MAPT: variants seen among roughly 807,000 people sequenced by gnomAD.
The protein encoded by MAPT is microtubule associated protein tau, also known as microtubule-associated protein tau.
A neutral mutation model predicts 67.9 loss-of-function variants in MAPT; 34 were observed. The ratio of observed to expected loss-of-function variants is 0.50; its 90% CI spans 0.38 to 0.67. MAPT has a LOEUF of 0.67. Ranked by LOEUF, MAPT falls within the 30% of genes least tolerant of loss-of-function variation. MAPT has a pLI of 0.00. For missense variants in MAPT, 881 were observed against 1,115.2 expected (o/e 0.79, Z 2.99); for synonymous variants, 456 against 464.5 (o/e 0.98, Z 0.23).
At chr17:45,978,472 G>C (rs2072612799) in intron 4 of MAPT, 32 bp downstream of exon 4, 1 of 1,576,506 alleles carries the variant, frequency 6.3e-7, no homozygotes, top group Non-Finnish European at 8.7e-7. Context: ...GCCATGACTT[G>C]GGGGTTGGGG....
Position 45,983,175 on chromosome 17 carries a change from C to G in MAPT, c.596C>G (p.Thr199Arg), listed in dbSNP as rs1479034224. ...CCCGCCACCACTGCGTATCTCCACACAGAGCCTGAAAGTGGTAAGGTGGTC... is the reference window on the plus strand; with the variant it reads ...CCCGCCACCACTGCGTATCTCCACAGAGAGCCTGAAAGTGGTAAGGTGGTC... ...PKPATTAYLH[T>R]EPESGKVVQE... The change falls in exon 5 of 13, where the codon ACA (threonine) becomes AGA (arginine). Residue 199 changes from threonine (T) to arginine (R), a missense_variant. Physicochemically the swap from Thr to Arg is moderately conservative, Grantham distance 71. Coordinates refer to ENST00000262410, the MANE Select transcript of MAPT (RefSeq NM_001377265.1). The G allele has an allele frequency of 6.2e-7, 1 of 1,607,726 alleles. No individual in the cohort carries two copies. The highest frequency in any genetic ancestry group is 1.1e-5 in the South Asian group (1 of 89,728).
At chr17:46,002,355 A>G (rs62064662) in intron 9 of MAPT, among the ~76,000 whole-genome samples, 22,037 of 151,926 alleles carry the variant, frequency 0.15, 2,144 homozygotes, top group Non-Finnish European at 0.22. Context: ...ATAGAGGAGA[A>G]CTGAAGAAGC....
chr17:45,930,586 A>C (rs2066760015), intron 1 of MAPT, among the ~76,000 whole-genome samples: 1 of 152,210 alleles, frequency 6.6e-6, no homozygotes, highest in African/African-American at 2.4e-5. Context: ...CACTTGTCCC[A>C]GGCCACACAG....
At position 45,995,004 on chromosome 17, in the gene MAPT, C is replaced by T. The variant is rs1320093851; in HGVS notation, c.1733-1395C>T. On this transcript the variant is annotated intron_variant, in intron 8 of 12. Transcript: ENST00000262410. This position sits in a 1 kb window ranked among gnomAD's most constrained non-coding sequence, Gnocchi z 4.3. ...CGGAGGTTGCAGTGAGCCGAGATCA[C>T]GCCATTGCACTCCAGCCTGGGCATC... 2.0e-5 allele frequency among the ~76,000 whole-genome samples: 3 copies of T among 151,960 alleles called. No homozygotes were observed. The highest frequency in any genetic ancestry group is 1.9e-4 in the East Asian group (1 of 5,194).
At position 46,024,490 on chromosome 17, in the gene MAPT, C is replaced by A. The variant is rs1023011483; in HGVS notation, c.*319C>A. 1.1e-5 allele frequency: 5 copies of A among 440,374 alleles called. No individual in the cohort carries two copies. The highest frequency in any genetic ancestry group is 4.0e-5 in the African/African-American group (2 of 50,254). 27.3% of individuals were successfully genotyped at this position (440,374 alleles called of 1,614,324 possible). A position where few individuals can be genotyped will look rare whatever the true frequency, so the allele number is the denominator to read the frequency against. On this transcript the variant is annotated 3_prime_UTR_variant, in exon 13 of 13. Coordinates refer to ENST00000262410, the MANE Select transcript of MAPT (RefSeq NM_001377265.1). The stretch of plus-strand genomic sequence containing the variant: ...CTTTTGATTCTTTTTTCTTCCCCCT[C>A]CATGTAGAAGAGGGAGAAGGAGAGG...
chr17:45,961,614 G>A (rs2070417208), intron 1 of MAPT, among the ~76,000 whole-genome samples: 1 of 152,146 alleles, frequency 6.6e-6, no homozygotes, highest in Non-Finnish European at 1.5e-5. Context: ...GACAGGCTCT[G>A]CTGATGCTGT....
intron 1 of MAPT, among the ~76,000 whole-genome samples, chr17:45,927,262 T>C (rs2066430150): frequency 6.6e-6 from 1 of 152,110 alleles, no homozygotes; most frequent in Non-Finnish European, 1.5e-5. Flanking sequence ...TCTTTTCTGT[T>C]GTGGGCCAGT....
At chr17:45,993,874 C>A (rs776407874) in intron 8 of MAPT, 27 of 1,535,516 alleles carry the variant, frequency 1.8e-5, no homozygotes, top group Non-Finnish European at 2.1e-5. Context: ...TCATTAAGGC[C>A]CTGTTTAAGC....
At position 46,027,505 on chromosome 17, in the gene MAPT, G is replaced by T; in HGVS notation, c.*3334G>T. 1 of 152,564 alleles carries T rather than the reference G, an allele frequency of 6.6e-6. No homozygotes were observed. Among genetic ancestry groups the T allele is most frequent in the Non-Finnish European group, 1.5e-5 (1 of 68,168 alleles). The allele number at this position is 152,564 out of a possible 1,614,324, so 9.5% of individuals were successfully genotyped here. A position where few individuals can be genotyped will look rare whatever the true frequency, so the allele number is the denominator to read the frequency against. ...CCATTTAAATTGACTTCAGTGGTGA[G>T]ACTGTATCCTGTTTGCTATTGCTTG... On this transcript the variant is annotated 3_prime_UTR_variant, in exon 13 of 13. Coordinates refer to ENST00000262410, the MANE Select transcript of MAPT (RefSeq NM_001377265.1).
chr17:46,008,341 TG>T (rs1187539754), intron 9 of MAPT, among the ~76,000 whole-genome samples: 2 of 152,128 alleles, frequency 1.3e-5, no homozygotes, highest in Non-Finnish European at 2.9e-5. Context: ...CCACCAGCCT[TG>T]ACCTCCCAAA....
At chr17:45,951,595 G>A (rs1055241821) in intron 1 of MAPT, among the ~76,000 whole-genome samples, 5 of 151,808 alleles carry the variant, frequency 3.3e-5, no homozygotes, top group African/African-American at 1.2e-4. Flanking sequence ...CCAGATTTCC[G>A]TGTCTCCAGT....
At chr17:46,011,651 G>A (rs1318417935) in intron 10 of MAPT, among the ~76,000 whole-genome samples, 1 of 152,184 alleles carries the variant, frequency 6.6e-6, no homozygotes, top group Non-Finnish European at 1.5e-5. Flanking sequence ...GGAGCTGGAC[G>A]TATGAGACCC....
intron 8 of MAPT, among the ~76,000 whole-genome samples, chr17:45,994,142 G>A (rs770056921): frequency 2.0e-5 from 3 of 152,210 alleles, no homozygotes; most frequent in Non-Finnish European, 4.4e-5. Flanking sequence ...TGTGCAGTTT[G>A]CGCAGCTGTG....
chr17:45,944,606 A>G (rs1598081530), intron 1 of MAPT, among the ~76,000 whole-genome samples: 1 of 152,206 alleles, frequency 6.6e-6, no homozygotes, highest in East Asian at 1.9e-4. Context: ...GGTACAGGGT[A>G]GAGCGGGCCT....
chr17:46,026,503 AG>A lies in MAPT; in HGVS notation c.*2334del, dbSNP rs1469263006. ...TTACAACTCCTGCATCACAAGAAAA[AG>A]GAAGCCACTGCCAGCTGGGGGGATC... On this transcript the variant is annotated 3_prime_UTR_variant, in exon 13 of 13. Transcript: ENST00000262410. 3.9e-5 allele frequency: 6 copies of A among 152,176 alleles called. No homozygotes were observed. Among genetic ancestry groups the A allele is most frequent in the Non-Finnish European group, 5.9e-5 (4 of 68,072 alleles). The allele number at this position is 152,176 out of a possible 1,614,324, so 9.4% of individuals were successfully genotyped here.
intron 2 of MAPT, among the ~76,000 whole-genome samples, chr17:45,965,433 A>G (rs1277963959): frequency 1.3e-5 from 2 of 151,420 alleles, no homozygotes; most frequent in Non-Finnish European, 3.0e-5. Context: ...CCGTCCTAAA[A>G]AAAAAGGAGT....
In MAPT at chr17:45,971,654, G is replaced by C. The variant is rs1002937265; in HGVS notation, c.134-205G>C. Among the ~76,000 whole-genome samples, 8 of 152,160 alleles carry C rather than the reference G, an allele frequency of 5.3e-5. No individual in the cohort carries two copies. The highest frequency in any genetic ancestry group is 1.0e-4 in the Non-Finnish European group (7 of 68,032). On this transcript the variant is annotated intron_variant, in intron 2 of 12. Transcript: ENST00000262410. This position sits in a 1 kb window ranked among gnomAD's most constrained non-coding sequence, Gnocchi z 4.3. ...CACATCACCTGTGTCCTCATCTGAT[G>C]GCCCTGGTGTGGGGCACAGTCGTGT...
intron 2 of MAPT, among the ~76,000 whole-genome samples, chr17:45,966,303 G>A (rs1361083362): frequency 6.6e-6 from 1 of 152,138 alleles, no homozygotes; most frequent in Non-Finnish European, 1.5e-5. Context: ...ATTAACTCCA[G>A]GAGACCAGGT....
rs1440315038 is a variant in MAPT, at chr17:45,897,556, G to C, written c.-18+2870G>C. 6.6e-6 allele frequency: 1 copy of C among 152,210 alleles called. No homozygotes were observed. Among genetic ancestry groups the C allele is most frequent in the East Asian group, 1.9e-4 (1 of 5,180 alleles). 9.4% of individuals were successfully genotyped at this position (152,210 alleles called of 1,614,324 possible). On this transcript the variant is annotated intron_variant, in intron 1 of 12. Transcript: ENST00000262410. This position sits in a 1 kb window ranked among gnomAD's most constrained non-coding sequence, Gnocchi z 5.0. The stretch of plus-strand genomic sequence containing the variant: ...ACCTCGAGGGATGCAGCTTTTGCGC[G>C]GATGACGGTGGGGTGCTGAACCAGC...
Sources: gnomAD v4.1 joint callset for allele counts (sites outside exome capture counted in the v4.1 genomes callset) on GRCh38, gnomAD v4.1.1 for gene constraint, Gnocchi (gnomAD v3.1) non-coding constraint, MANE v1.5 for transcripts, NCBI Gene and HGNC (gene_info 2026-07-23, HGNC 2026-07-21) for gene names.